The following SPICE1 variants were observed in gnomAD, a reference collection of about 807,000 sequenced individuals.
The protein encoded by SPICE1 is spindle and centriole-associated protein 1.
Under a neutral mutation model 102.7 loss-of-function variants are expected in SPICE1, and 75 were observed. That is an observed-to-expected ratio of 0.73 (90% CI 0.61 to 0.88). The LOEUF (loss-of-function observed/expected upper bound fraction) is 0.88, where lower values mean the gene tolerates loss of function less well. Ranked by LOEUF, SPICE1 falls within the 40% of genes least tolerant of loss-of-function variation. SPICE1 has a pLI of 0.00. For missense variants in SPICE1, 979 were observed against 1,020.1 expected (o/e 0.96, Z 0.55); for synonymous variants, 308 against 350.3 (o/e 0.88, Z 1.35).
At position 113,468,794 on chromosome 3, in the gene SPICE1, T is replaced by C; in HGVS notation, c.857A>G (p.Asn286Ser). The change falls in exon 9 of 18, where the codon AAC (asparagine) becomes AGC (serine). Residue 286 changes from asparagine (N) to serine (S), a missense_variant. By Grantham distance (46) the Asn-to-Ser change is conservative. Coordinates refer to ENST00000295872, the MANE Select transcript of SPICE1 (RefSeq NM_144718.4). ...DSSYVVGHVL[N>S]SRKQKQLLNK... ...TAACAGCTGTTTTTGCTTCCTTGAG[T>C]TCAGCACGTGTCCCACAACGTAGCT... 1 of 1,613,992 alleles carries C rather than the reference T, an allele frequency of 6.2e-7. No homozygotes were observed. The highest frequency in any genetic ancestry group is 8.5e-7 in the Non-Finnish European group (1 of 1,179,994).
chr3:113,493,936 A>G (rs1936817407), intron 5 of SPICE1, 113 bp downstream of exon 5: 1 of 684,966 alleles, frequency 1.5e-6, no homozygotes, highest in East Asian at 2.7e-5. Context: ...TCCACCCTAC[A>G]ATACTTGTAA....
intron 4 of SPICE1, among the ~76,000 whole-genome samples, chr3:113,495,410 C>T (rs1936861431): frequency 6.6e-6 from 1 of 152,208 alleles, no homozygotes; most frequent in South Asian, 2.1e-4. Flanking sequence ...CTTAATTTTT[C>T]CCCTTCTTCC....
chr3:113,443,663 C>G lies in SPICE1; in HGVS notation c.*1644G>C, dbSNP rs1935445668. 6.6e-6 allele frequency: 1 copy of G among 152,202 alleles called. No individual in the cohort carries two copies. The highest frequency in any genetic ancestry group is 1.5e-5 in the Non-Finnish European group (1 of 68,046). The allele number at this position is 152,202 out of a possible 1,614,324, so 9.4% of individuals were successfully genotyped here. A position where few individuals can be genotyped will look rare whatever the true frequency, so the allele number is the denominator to read the frequency against. Reference sequence around the variant, plus strand: ...ACACACACTGTAAAACAGGTTTACTCTCCAACAAGAGGCAGCACAGCATAG... The same window carrying G: ...ACACACACTGTAAAACAGGTTTACTGTCCAACAAGAGGCAGCACAGCATAG... On this transcript the variant is annotated 3_prime_UTR_variant, in exon 18 of 18. Coordinates refer to ENST00000295872, the MANE Select transcript of SPICE1 (RefSeq NM_144718.4).
intron 10 of SPICE1, 91 bp from the exon 11 acceptor site, chr3:113,465,875 C>T: frequency 7.9e-7 from 1 of 1,263,530 alleles, no homozygotes. Flanking sequence ...AAGATATTTA[C>T]AAAGAAGCAT....
intron 2 of SPICE1, among the ~76,000 whole-genome samples, chr3:113,504,278 C>T (rs1201757129): frequency 6.6e-6 from 1 of 152,082 alleles, no homozygotes; most frequent in African/African-American, 2.4e-5. Context: ...TTTGGTAAGG[C>T]AGGAAATAAA....
At chr3:113,493,949 T>C (rs1936817696) in intron 5 of SPICE1, 100 bp downstream of exon 5, 9 of 743,370 alleles carry the variant, frequency 1.2e-5, no homozygotes, top group Middle Eastern at 4.8e-4. Flanking sequence ...ACTTGTAATA[T>C]AAATAATATG....
At chr3:113,499,696 A>G (rs560100969) in intron 3 of SPICE1, 114 bp from the exon 4 acceptor site, 6 of 1,078,572 alleles carry the variant, frequency 5.6e-6, no homozygotes, top group South Asian at 5.0e-5. Flanking sequence ...TTCTGGTCCA[A>G]TATGTGCATG....
At chr3:113,482,673 T>A (rs530937350) in intron 7 of SPICE1, among the ~76,000 whole-genome samples, 1 of 152,330 alleles carries the variant, frequency 6.6e-6, no homozygotes, top group East Asian at 1.9e-4. Context: ...AGGAATCCTT[T>A]CCCTATTGTT....
intron 2 of SPICE1, among the ~76,000 whole-genome samples, chr3:113,503,618 C>T (rs1010403759): frequency 2.6e-5 from 4 of 152,042 alleles, no homozygotes; most frequent in Admixed American, 2.0e-4. Context: ...CACAACGTAA[C>T]GCTAAAGGTT....
chr3:113,512,405 CT>C (rs34015506), intron 1 of SPICE1, among the ~76,000 whole-genome samples: 7,358 of 104,380 alleles, frequency 0.07, 77 homozygotes, highest in African/African-American at 0.1. Context: ...GAAAAGCTTT[CT>C]TTTTTTTTTT....
chr3:113,465,199 A>T (rs758166423), intron 11 of SPICE1, among the ~76,000 whole-genome samples: 2 of 152,206 alleles, frequency 1.3e-5, no homozygotes, highest in Non-Finnish European at 2.9e-5. Flanking sequence ...TAAAAAAGAA[A>T]AGGAGCAATT....
intron 7 of SPICE1, among the ~76,000 whole-genome samples, chr3:113,487,829 T>C (rs147394883): frequency 1.6e-4 from 25 of 152,268 alleles, no homozygotes; most frequent in East Asian, 3.9e-4. Flanking sequence ...ATATGACACA[T>C]TGAGGACTTA....
At chr3:113,475,184 A>T in intron 7 of SPICE1, among the ~76,000 whole-genome samples, 1 of 152,248 alleles carries the variant, frequency 6.6e-6, no homozygotes, top group Non-Finnish European at 1.5e-5. Context: ...GAAAATCTAG[A>T]AGAAATGGAT....
At chr3:113,499,694 C>A in intron 3 of SPICE1, 112 bp from the exon 4 acceptor site, 2 of 1,074,882 alleles carry the variant, frequency 1.9e-6, no homozygotes, top group Non-Finnish European at 2.5e-6. Flanking sequence ...TTTTCTGGTC[C>A]AATATGTGCA....
At chr3:113,479,262 G>A (rs4484165) in intron 7 of SPICE1, among the ~76,000 whole-genome samples, 31,596 of 150,378 alleles carry the variant, frequency 0.21, 3,565 homozygotes, top group African/African-American at 0.3. Flanking sequence ...TACTGAGAAT[G>A]ATGATTTCCA....
intron 7 of SPICE1, among the ~76,000 whole-genome samples, chr3:113,474,000 TAA>T (rs1936272986): frequency 6.6e-6 from 1 of 152,020 alleles, no homozygotes; most frequent in Admixed American, 6.5e-5. Context: ...GAAAATTGGA[TAA>T]AGAGTCAAGA....
In SPICE1 at chr3:113,491,624, C is replaced by CAAAA. The variant is rs869171154; in HGVS notation, c.492+1578_492+1581dup. Among the ~76,000 whole-genome samples, 70 of 38,098 alleles carry CAAAA rather than the reference C, an allele frequency of 1.8e-3. 5 individuals are homozygous for CAAAA. Among genetic ancestry groups the CAAAA allele is most frequent in the African/African-American group, 5.4e-3 (62 of 11,564 alleles). The allele number at this position is 38,098 out of a possible 152,430, so 25.0% of individuals were successfully genotyped here. A position where few individuals can be genotyped will look rare whatever the true frequency, so the allele number is the denominator to read the frequency against. ...TGGGCGACAGAGCGAGACTCCGTCT[C>CAAAA]AAAAAAAAAAAAAAAAAAAAAAAAA... On this transcript the variant is annotated intron_variant, in intron 6 of 17. Transcript: ENST00000295872.
chr3:113,449,106 G>A (rs1015476018), intron 15 of SPICE1: 1 of 152,072 alleles, frequency 6.6e-6, no homozygotes, highest in African/African-American at 2.4e-5. Context: ...ATAAATAAAA[G>A]CATATTTTAA....
chr3:113,507,748 C>CA (rs1937140002), intron 1 of SPICE1, among the ~76,000 whole-genome samples: 2 of 152,134 alleles, frequency 1.3e-5, no homozygotes. Flanking sequence ...CTAACAGATA[C>CA]CGTGTGCTTA....
Sources: allele counts gnomAD v4.1 joint callset (sites outside exome capture counted in the v4.1 genomes callset), GRCh38; gene constraint gnomAD v4.1.1; transcripts MANE v1.5; gene names NCBI Gene and HGNC (gene_info 2026-07-23, HGNC 2026-07-21).